The following AUTS2 variants were observed in gnomAD, a reference collection of about 807,000 sequenced individuals.
The protein encoded by AUTS2 is autism susceptibility gene 2 protein.
AUTS2 carries 17 observed loss-of-function variants against 112.4 expected under a neutral mutation model. The ratio of observed to expected loss-of-function variants is 0.15; its 90% CI spans 0.10 to 0.23. The LOEUF is 0.23. Ranked by LOEUF, AUTS2 falls within the 10% of genes least tolerant of loss-of-function variation. AUTS2 has a pLI of 1.00. For synonymous variants in AUTS2, 751 were observed against 702.7 expected, an observed-to-expected ratio of 1.07 and a Z score of -1.09; for missense variants, 1,510 against 1,701.6, an observed-to-expected ratio of 0.89 and a Z score of 1.98.
At chr7:70,515,569 T>C (rs958621410) in intron 5 of AUTS2, among the ~76,000 whole-genome samples, 2 of 152,194 alleles carry the variant, frequency 1.3e-5, no homozygotes, top group African/African-American at 4.8e-5. Context: ...GGGTCTATGA[T>C]GTCCAGTTAG....
intron 2 of AUTS2, among the ~76,000 whole-genome samples, chr7:69,914,332 CACAG>C (rs956052178): frequency 3.6e-5 from 5 of 140,132 alleles, no homozygotes; most frequent in Non-Finnish European, 7.5e-5. Flanking sequence ...AAAGCACACA[CACAG>C]ACACAGACAC....
At chr7:69,884,247 C>T (rs767258433) in intron 1 of AUTS2, among the ~76,000 whole-genome samples, 3 of 152,200 alleles carry the variant, frequency 2.0e-5, no homozygotes, top group Non-Finnish European at 4.4e-5. Flanking sequence ...TACAGATAAA[C>T]TAAAATGCAG....
intron 1 of AUTS2, among the ~76,000 whole-genome samples, chr7:69,819,065 G>A (rs1423657269): frequency 6.6e-6 from 1 of 152,172 alleles, no homozygotes; most frequent in Non-Finnish European, 1.5e-5. Flanking sequence ...GCTTGGGTGT[G>A]CCTGAGTTTT....
chr7:69,674,637 AGG>A (rs1796477361), intron 1 of AUTS2, among the ~76,000 whole-genome samples: 1 of 128,700 alleles, frequency 7.8e-6, no homozygotes, highest in Admixed American at 7.9e-5. Flanking sequence ...GTGGGTGGGT[AGG>A]GAATAAGGGC....
At chr7:70,599,101 T>C (rs936216073) in intron 5 of AUTS2, among the ~76,000 whole-genome samples, 1 of 152,240 alleles carries the variant, frequency 6.6e-6, no homozygotes, top group Non-Finnish European at 1.5e-5. Context: ...GGCTGTGTAG[T>C]GGGTATCAGT....
chr7:69,964,792 C>CT (rs1430059004), intron 2 of AUTS2, among the ~76,000 whole-genome samples: 4 of 151,930 alleles, frequency 2.6e-5, no homozygotes, highest in Admixed American at 2.6e-4. Flanking sequence ...TATCATGTCT[C>CT]TAAGTACAGT....
intron 2 of AUTS2, among the ~76,000 whole-genome samples, chr7:70,066,043 A>G (rs1317596207): frequency 3.9e-5 from 6 of 152,208 alleles, no homozygotes; most frequent in African/African-American, 1.4e-4. Flanking sequence ...GTTGTGTGTT[A>G]GCAGCGATGT....
intron 4 of AUTS2, among the ~76,000 whole-genome samples, chr7:70,323,144 G>A (rs1790331267): frequency 6.6e-6 from 1 of 152,200 alleles, no homozygotes; most frequent in Non-Finnish European, 1.5e-5. Flanking sequence ...GAGAGGAGGA[G>A]GTGACAAAAA....
chr7:70,493,995 A>G (rs566788926), intron 5 of AUTS2, among the ~76,000 whole-genome samples: 3 of 152,336 alleles, frequency 2.0e-5, no homozygotes, highest in Non-Finnish European at 2.9e-5. Context: ...CAACAAAGAA[A>G]ATAGTAAGGA....
chr7:69,709,094 A>G (rs539195598), intron 1 of AUTS2, among the ~76,000 whole-genome samples: 12 of 152,208 alleles, frequency 7.9e-5, no homozygotes, highest in African/African-American at 2.9e-4. Flanking sequence ...TGCTGTGGGG[A>G]TTGTTGCAGT....
chr7:70,234,228 T>A (rs909405708), intron 4 of AUTS2, among the ~76,000 whole-genome samples: 4 of 152,196 alleles, frequency 2.6e-5, no homozygotes, highest in Non-Finnish European at 4.4e-5. Context: ...ATATCATATT[T>A]ATTTAGACCC....
At chr7:70,788,174 A>T (rs1181794398) in intron 18 of AUTS2, among the ~76,000 whole-genome samples, 1 of 152,216 alleles carries the variant, frequency 6.6e-6, no homozygotes, top group Non-Finnish European at 1.5e-5. Context: ...TTCACTTTAA[A>T]TGAACTGATA....
At chr7:70,472,833 T>C (rs1391670818) in intron 5 of AUTS2, among the ~76,000 whole-genome samples, 2 of 152,212 alleles carry the variant, frequency 1.3e-5, no homozygotes, top group African/African-American at 2.4e-5. Context: ...GATCCTTGTT[T>C]CACGTTAAGT....
chr7:70,725,831 T>A (rs191683323), intron 6 of AUTS2, among the ~76,000 whole-genome samples: 1 of 152,200 alleles, frequency 6.6e-6, no homozygotes, highest in East Asian at 1.9e-4. Context: ...CTCCCCTTTA[T>A]ATAAAGGACC....
intron 4 of AUTS2, among the ~76,000 whole-genome samples, chr7:70,272,638 C>T (rs557836712): frequency 6.6e-6 from 1 of 152,150 alleles, no homozygotes; most frequent in South Asian, 2.1e-4. Flanking sequence ...TTTCACAAAC[C>T]AGGTAACTAT....
At chr7:70,696,207 C>T (rs796763837) in intron 5 of AUTS2, among the ~76,000 whole-genome samples, 13 of 152,312 alleles carry the variant, frequency 8.5e-5, no homozygotes, top group African/African-American at 2.9e-4. Flanking sequence ...GTACTCGTGT[C>T]GTTTCCCCTG....
chr7:70,414,390 A>G (rs1794906906), intron 4 of AUTS2, among the ~76,000 whole-genome samples: 1 of 152,218 alleles, frequency 6.6e-6, no homozygotes, highest in African/African-American at 2.4e-5. Context: ...TATCAGGGAT[A>G]ATCAGCAGTG....
At chr7:69,690,969 G>T (rs1797318468) in intron 1 of AUTS2, among the ~76,000 whole-genome samples, 1 of 150,272 alleles carries the variant, frequency 6.7e-6, no homozygotes, top group South Asian at 2.1e-4. Context: ...AGGTCATCCT[G>T]ACGAGTTTCC....
chr7:70,760,199 G>A (rs1789476515), intron 6 of AUTS2, among the ~76,000 whole-genome samples: 1 of 152,126 alleles, frequency 6.6e-6, no homozygotes, highest in East Asian at 1.9e-4. Flanking sequence ...TAGAGGCAGG[G>A]TTTCACCGTG....
Sources: allele counts gnomAD v4.1 joint callset (sites outside exome capture counted in the v4.1 genomes callset), GRCh38; gene constraint gnomAD v4.1.1; transcripts MANE v1.5; gene names NCBI Gene and HGNC (gene_info 2026-07-23, HGNC 2026-07-21).